Variants in GSTCD observed in about 807,000 individuals in gnomAD.
GSTCD encodes glutathione S-transferase C-terminal domain containing.
Under a neutral mutation model 68.3 loss-of-function variants are expected in GSTCD, and 44 were observed. The observed-to-expected ratio is 0.64, with a 90% CI of 0.51 to 0.83. The LOEUF is 0.83. GSTCD is among the 40% of genes least tolerant of loss of function. GSTCD has a pLI of 0.00. For missense variants in GSTCD, 739 were observed against 735.9 expected (o/e 1.00, Z -0.05); for synonymous variants, 273 against 255.2 (o/e 1.07, Z -0.67).
At chr4:105,793,149 C>T (rs1735739082) in intron 5 of GSTCD, among the ~76,000 whole-genome samples, 3 of 151,914 alleles carry the variant, frequency 2.0e-5, no homozygotes, top group Non-Finnish European at 4.4e-5. Context: ...TAAGTGTTAT[C>T]TAAATCTTAA....
At chr4:105,822,060 T>A (rs1723320735) in intron 5 of GSTCD, among the ~76,000 whole-genome samples, 1 of 152,010 alleles carries the variant, frequency 6.6e-6, no homozygotes, top group South Asian at 2.1e-4. Flanking sequence ...TTATCAGGAT[T>A]TTCCCTTTTA....
intron 5 of GSTCD, among the ~76,000 whole-genome samples, chr4:105,794,393 A>G (rs1361369533): frequency 1.3e-5 from 2 of 152,040 alleles, no homozygotes; most frequent in Non-Finnish European, 2.9e-5. Context: ...ATGAACCCTA[A>G]TATAAACTCT....
intron 1 of GSTCD, among the ~76,000 whole-genome samples, chr4:105,716,622 T>C (rs2149203761): frequency 1.3e-5 from 2 of 152,310 alleles, no homozygotes; most frequent in East Asian, 1.9e-4. Flanking sequence ...ACTCTCCTTA[T>C]GAGAATCTAA....
intron 5 of GSTCD, among the ~76,000 whole-genome samples, chr4:105,805,651 C>G (rs1222000072): frequency 6.6e-6 from 1 of 151,818 alleles, no homozygotes; most frequent in Non-Finnish European, 1.5e-5. Flanking sequence ...AAGCTAATAC[C>G]CAAATCAAAC....
intron 4 of GSTCD, among the ~76,000 whole-genome samples, chr4:105,727,412 T>C (rs993076791): frequency 6.6e-6 from 1 of 151,586 alleles, no homozygotes; most frequent in Non-Finnish European, 1.5e-5. Context: ...TGGTCCCAGC[T>C]ATTCAGGAGG....
intron 5 of GSTCD, among the ~76,000 whole-genome samples, chr4:105,749,242 T>C (rs1210745885): frequency 6.6e-6 from 1 of 151,950 alleles, no homozygotes; most frequent in African/African-American, 2.4e-5. Flanking sequence ...TTATTTAAAT[T>C]TTAAAAGGTT....
At chr4:105,802,512 A>G (rs969691410) in intron 5 of GSTCD, among the ~76,000 whole-genome samples, 2 of 152,098 alleles carry the variant, frequency 1.3e-5, no homozygotes, top group Non-Finnish European at 2.9e-5. Flanking sequence ...GTTCTTTGAA[A>G]TATAATTTAT....
At chr4:105,718,287 C>A (rs1228144428) in intron 2 of GSTCD, among the ~76,000 whole-genome samples, 1 of 152,118 alleles carries the variant, frequency 6.6e-6, no homozygotes, top group Non-Finnish European at 1.5e-5. Context: ...GTCGTGGGGG[C>A]AGATGCCTCG....
At chr4:105,790,273 T>C (rs1421882806) in intron 5 of GSTCD, among the ~76,000 whole-genome samples, 1 of 152,036 alleles carries the variant, frequency 6.6e-6, no homozygotes, top group African/African-American at 2.4e-5. Flanking sequence ...GATATGGACA[T>C]TAGTATGCTT....
At chr4:105,748,722 A>G (rs901596737) in intron 5 of GSTCD, among the ~76,000 whole-genome samples, 3 of 151,968 alleles carry the variant, frequency 2.0e-5, no homozygotes, top group African/African-American at 7.2e-5. Flanking sequence ...ATAGATATAT[A>G]TTACATACGA....
At chr4:105,758,247 C>T (rs1639704775) in intron 5 of GSTCD, among the ~76,000 whole-genome samples, 1 of 152,176 alleles carries the variant, frequency 6.6e-6, no homozygotes, top group South Asian at 2.1e-4. Flanking sequence ...AAACATCCTA[C>T]ACATAGCTTT....
intron 5 of GSTCD, among the ~76,000 whole-genome samples, chr4:105,818,032 C>A (rs1723085649): frequency 6.6e-6 from 1 of 151,832 alleles, no homozygotes; most frequent in Non-Finnish European, 1.5e-5. Context: ...TTATCAGTCT[C>A]CTGGTAATCT....
At chr4:105,841,556 TG>T (rs1490387899) in intron 10 of GSTCD, among the ~76,000 whole-genome samples, 2 of 151,930 alleles carry the variant, frequency 1.3e-5, no homozygotes, top group Non-Finnish European at 2.9e-5. Flanking sequence ...CTGGGCCAGC[TG>T]GGCATGGTGG....
At chr4:105,753,141 G>A (rs1734062696) in intron 5 of GSTCD, 1 of 152,032 alleles carries the variant, frequency 6.6e-6, no homozygotes, top group Non-Finnish European at 1.5e-5. Context: ...ATAAAAGGCT[G>A]TGATGTTTTA....
intron 3 of GSTCD, among the ~76,000 whole-genome samples, chr4:105,719,921 TCTA>T (rs1210427427): frequency 6.6e-6 from 1 of 152,084 alleles, no homozygotes; most frequent in Non-Finnish European, 1.5e-5. Flanking sequence ...CCGTTGGACG[TCTA>T]CTATTAGAGG....
intron 1 of GSTCD, 87 bp from the exon 2 acceptor site, chr4:105,717,506 A>G: frequency 1.2e-6 from 1 of 863,910 alleles, no homozygotes. Flanking sequence ...ACTGATTTCT[A>G]GAACAGGCTT....
chr4:105,817,358 C>A (rs1051587195), intron 5 of GSTCD, among the ~76,000 whole-genome samples: 1 of 151,792 alleles, frequency 6.6e-6, no homozygotes, highest in Non-Finnish European at 1.5e-5. Flanking sequence ...ATGAATTCTG[C>A]TGTCTTTTTA....
At chr4:105,788,009 A>C (rs1040571824) in intron 5 of GSTCD, among the ~76,000 whole-genome samples, 9 of 152,052 alleles carry the variant, frequency 5.9e-5, no homozygotes, top group Non-Finnish European at 8.8e-5. Flanking sequence ...AAAATTTCTG[A>C]ATTTCTTTAC....
intron 5 of GSTCD, among the ~76,000 whole-genome samples, chr4:105,735,805 C>T (rs1487795707): frequency 6.6e-6 from 1 of 151,938 alleles, no homozygotes; most frequent in Non-Finnish European, 1.5e-5. Context: ...GAAGCTGTTC[C>T]TATTCGGCCA....
Sources: gnomAD v4.1 joint callset for allele counts (sites outside exome capture counted in the v4.1 genomes callset) on GRCh38, gnomAD v4.1.1 for gene constraint, MANE v1.5 for transcripts, NCBI Gene and HGNC (gene_info 2026-07-23, HGNC 2026-07-21) for gene names.